The following PTPRD variants were observed in gnomAD, a reference collection of about 807,000 sequenced individuals.
PTPRD encodes the protein receptor-type tyrosine-protein phosphatase delta.
A neutral mutation model predicts 214.5 loss-of-function variants in PTPRD; 34 were observed. The ratio of observed to expected loss-of-function variants is 0.16; its 90% CI spans 0.12 to 0.21. The LOEUF is 0.21. Ranked by LOEUF, PTPRD falls within the 10% of genes least tolerant of loss-of-function variation. PTPRD has a pLI of 1.00. For missense variants in PTPRD, 2,545 were observed against 2,398.7 expected, an observed-to-expected ratio of 1.06 and a Z score of -1.27; for synonymous variants, 1,128 against 845.7, an observed-to-expected ratio of 1.33 and a Z score of -5.79.
At chr9:10,591,367 T>C (rs1434178766) in intron 2 of PTPRD, among the ~76,000 whole-genome samples, 3 of 152,196 alleles carry the variant, frequency 2.0e-5, no homozygotes, top group Non-Finnish European at 4.4e-5. Flanking sequence ...TACTGGCACG[T>C]GTTTTGAGAA....
intron 5 of PTPRD, among the ~76,000 whole-genome samples, chr9:9,821,084 G>A (rs1320818721): frequency 6.6e-6 from 1 of 152,064 alleles, no homozygotes; most frequent in African/African-American, 2.4e-5. Context: ...CCATTTTAAT[G>A]ACATTGATTA....
chr9:10,556,948 T>C (rs1312391883), intron 2 of PTPRD, among the ~76,000 whole-genome samples: 2 of 152,096 alleles, frequency 1.3e-5, no homozygotes, highest in African/African-American at 4.8e-5. Flanking sequence ...GTACAAGTAA[T>C]ATATCAGTTA....
At chr9:8,738,999 C>G (rs1402193788) in intron 11 of PTPRD, among the ~76,000 whole-genome samples, 1 of 152,146 alleles carries the variant, frequency 6.6e-6, no homozygotes, top group African/African-American at 2.4e-5. Flanking sequence ...TTTTATCTAC[C>G]TCCCAAACCA....
chr9:9,393,226 A>T (rs1224368655), intron 9 of PTPRD, among the ~76,000 whole-genome samples: 1 of 151,476 alleles, frequency 6.6e-6, no homozygotes, highest in East Asian at 1.9e-4. Flanking sequence ...CCATGCCTCC[A>T]GGTATGCGTA....
intron 10 of PTPRD, among the ~76,000 whole-genome samples, chr9:9,074,950 C>T (rs974665674): frequency 6.7e-6 from 1 of 149,898 alleles, no homozygotes; most frequent in South Asian, 2.1e-4. Context: ...TACCTTATCA[C>T]AGATCACTGA....
At chr9:8,322,643 A>C (rs1434741462) in intron 44 of PTPRD, among the ~76,000 whole-genome samples, 1 of 152,210 alleles carries the variant, frequency 6.6e-6, no homozygotes, top group African/African-American at 2.4e-5. Context: ...CCATAACATA[A>C]AAGTGCAAGG....
intron 10 of PTPRD, among the ~76,000 whole-genome samples, chr9:9,066,454 A>G (rs577916261): frequency 3.8e-4 from 58 of 152,302 alleles, no homozygotes; most frequent in African/African-American, 1.2e-3. Context: ...TTGGAATAAA[A>G]TTTCTTAGTT....
intron 11 of PTPRD, among the ~76,000 whole-genome samples, chr9:8,982,472 C>A (rs2099317798): frequency 6.6e-6 from 1 of 150,830 alleles, no homozygotes; most frequent in Non-Finnish European, 1.5e-5. Context: ...GCATTTTAAT[C>A]ACTGTAAATG....
intron 19 of PTPRD, among the ~76,000 whole-genome samples, 156 bp downstream of exon 19, chr9:8,523,357 C>A (rs2097928523): frequency 6.6e-6 from 1 of 152,114 alleles, no homozygotes; most frequent in African/African-American, 2.4e-5. Flanking sequence ...ATACCACCAG[C>A]AAGCACCAGA....
At chr9:10,000,306 G>A (rs2096275802) in intron 4 of PTPRD, among the ~76,000 whole-genome samples, 1 of 152,076 alleles carries the variant, frequency 6.6e-6, no homozygotes, top group African/African-American at 2.4e-5. Flanking sequence ...CCCACTAACA[G>A]TGATAATTTT....
chr9:8,563,597 T>C (rs2087448639), intron 14 of PTPRD, among the ~76,000 whole-genome samples: 1 of 151,842 alleles, frequency 6.6e-6, no homozygotes, highest in African/African-American at 2.4e-5. Context: ...CCGCCACACC[T>C]GGCTAATTTT....
intron 2 of PTPRD, among the ~76,000 whole-genome samples, chr9:10,443,022 T>C (rs1037651056): frequency 1.3e-5 from 2 of 150,956 alleles, no homozygotes; most frequent in Non-Finnish European, 3.0e-5. Flanking sequence ...CATAGAATTA[T>C]ACATTTTAAG....
chr9:8,803,846 T>C (rs1319753634), intron 11 of PTPRD, among the ~76,000 whole-genome samples: 2 of 152,054 alleles, frequency 1.3e-5, no homozygotes, highest in African/African-American at 2.4e-5. Context: ...CAAAAAGCCA[T>C]GTGCAAAACC....
chr9:10,054,522 T>C (rs447578), intron 3 of PTPRD, among the ~76,000 whole-genome samples: 26,691 of 152,060 alleles, frequency 0.18, 2,712 homozygotes, highest in African/African-American at 0.27. Context: ...AAACTTGTAA[T>C]TGTAAATCCT....
At chr9:10,472,070 T>C (rs941417261) in intron 2 of PTPRD, among the ~76,000 whole-genome samples, 1 of 152,130 alleles carries the variant, frequency 6.6e-6, no homozygotes, top group Non-Finnish European at 1.5e-5. Context: ...TGCTACATGC[T>C]AATAAGGGCA....
chr9:9,670,725 G>C (rs762993057), intron 7 of PTPRD, among the ~76,000 whole-genome samples: 1 of 152,200 alleles, frequency 6.6e-6, no homozygotes, highest in African/African-American at 2.4e-5. Context: ...GAGGTTGCAG[G>C]CCTCAAGCCT....
In PTPRD at chr9:9,382,007, T is replaced by C. The variant is rs188965798; in HGVS notation, c.-203+15442A>G. ...TAAAAACACCAAATTCTCCAATCCA[T>C]GAACTCAGGACATCTTTCCATTTAT... On this transcript the variant is annotated intron_variant, in intron 9 of 45. Coordinates refer to ENST00000381196, the MANE Select transcript of PTPRD (RefSeq NM_002839.4). Among the ~76,000 whole-genome samples, 718 of 152,248 alleles carry C rather than the reference T, an allele frequency of 4.7e-3. 7 individuals carry two copies. The highest frequency in any genetic ancestry group is 0.016 in the African/African-American group (675 of 41,556).
chr9:10,104,198 C>CCTCATATA (rs2098601076), intron 3 of PTPRD, among the ~76,000 whole-genome samples: 1 of 151,502 alleles, frequency 6.6e-6, no homozygotes, highest in Non-Finnish European at 1.5e-5. Context: ...ATAATGGGTA[C>CCTCATATA]AGAATTTCTG....
At chr9:9,870,615 A>G (rs1002382338) in intron 5 of PTPRD, among the ~76,000 whole-genome samples, 1 of 151,974 alleles carries the variant, frequency 6.6e-6, no homozygotes, top group Admixed American at 6.6e-5. Flanking sequence ...TATTATTTCT[A>G]TTTCACTGAT....
Sources: allele counts gnomAD v4.1 joint callset (sites outside exome capture counted in the v4.1 genomes callset), GRCh38; gene constraint gnomAD v4.1.1; transcripts MANE v1.5; gene names NCBI Gene and HGNC (gene_info 2026-07-23, HGNC 2026-07-21).